The following NUDCD3 variants were observed in gnomAD, a reference collection of about 807,000 sequenced individuals.
The protein encoded by NUDCD3 is NudC domain containing 3, also known as nudC domain-containing protein 3.
Under a neutral mutation model 39.7 loss-of-function variants are expected in NUDCD3, and 13 were observed. The ratio of observed to expected loss-of-function variants is 0.33; its 90% CI spans 0.21 to 0.52. NUDCD3 has a LOEUF of 0.52. Ranked by LOEUF, NUDCD3 falls within the 20% of genes least tolerant of loss-of-function variation. NUDCD3 has a pLI of 0.96. For missense variants in NUDCD3, 453 were observed against 458.1 expected, an observed-to-expected ratio of 0.99 and a Z score of 0.10; for synonymous variants, 175 against 172.4, an observed-to-expected ratio of 1.02 and a Z score of -0.12.
chr7:44,471,431 G>A (rs1213670833), intron 2 of NUDCD3, among the ~76,000 whole-genome samples: 1 of 152,190 alleles, frequency 6.6e-6, no homozygotes, highest in Non-Finnish European at 1.5e-5. Context: ...GAAGGATACA[G>A]AGGGCCAACT....
chr7:44,468,324 T>G (rs369782211), intron 2 of NUDCD3: 18 of 1,482,998 alleles, frequency 1.2e-5, no homozygotes, highest in Non-Finnish European at 1.6e-5. Flanking sequence ...GTGCACGTTT[T>G]CTGTTTAAAT....
At chr7:44,430,916 A>G (rs1476230907) in intron 2 of NUDCD3, among the ~76,000 whole-genome samples, 1 of 152,090 alleles carries the variant, frequency 6.6e-6, no homozygotes, top group Non-Finnish European at 1.5e-5. Context: ...CTCTGATCAC[A>G]CAGAACCTGC....
intron 5 of NUDCD3, among the ~76,000 whole-genome samples, chr7:44,389,289 G>A (rs755288610): frequency 1.3e-5 from 2 of 152,232 alleles, no homozygotes; most frequent in Non-Finnish European, 2.9e-5. Flanking sequence ...AGGGGTTTGA[G>A]GTCCAGAACT....
At chr7:44,420,757 T>G (rs1298794453) in intron 3 of NUDCD3, among the ~76,000 whole-genome samples, 2 of 152,186 alleles carry the variant, frequency 1.3e-5, no homozygotes, top group Admixed American at 6.5e-5. Context: ...CTAAGCTTCA[T>G]AAGTGAAGGT....
chr7:44,442,949 A>AC (rs1390733108), intron 2 of NUDCD3, among the ~76,000 whole-genome samples: 1 of 151,950 alleles, frequency 6.6e-6, no homozygotes, highest in East Asian at 1.9e-4. Context: ...TGATCCACCC[A>AC]CCTTGGCCTC....
At chr7:44,424,706 C>A (rs1456281313) in intron 3 of NUDCD3, among the ~76,000 whole-genome samples, 2 of 152,102 alleles carry the variant, frequency 1.3e-5, no homozygotes, top group South Asian at 2.1e-4. Flanking sequence ...TAAATTAGTT[C>A]AACCATTGTG....
chr7:44,417,697 A>G (rs1799054584), intron 3 of NUDCD3, among the ~76,000 whole-genome samples: 1 of 152,228 alleles, frequency 6.6e-6, no homozygotes. Context: ...AAACCCCAAA[A>G]TTCTGGATAA....
chr7:44,423,652 C>T (rs1799182263), intron 3 of NUDCD3, among the ~76,000 whole-genome samples: 1 of 151,984 alleles, frequency 6.6e-6, no homozygotes, highest in Non-Finnish European at 1.5e-5. Context: ...AGGACACAAA[C>T]AAATGGAAAA....
chr7:44,389,450 GGGC>G (rs1453061851), intron 5 of NUDCD3, among the ~76,000 whole-genome samples: 3 of 152,100 alleles, frequency 2.0e-5, no homozygotes, highest in Non-Finnish European at 4.4e-5. Context: ...AGGCCGAGGC[GGGC>G]GGATCACGAG....
In NUDCD3 at chr7:44,404,427, T is replaced by C. The variant is rs756039304; in HGVS notation, c.786+13A>G. On this transcript the variant is annotated intron_variant, in intron 4 of 5. Transcript: ENST00000355451. ...TCCACCTGGGAGCCCTACACACAGG[T>C]GCCCAAACTTACCAAAACGCACTTC... 6.2e-7 allele frequency: 1 copy of C among 1,613,434 alleles called. No homozygotes were observed. Among genetic ancestry groups the C allele is most frequent in the South Asian group, 1.1e-5 (1 of 90,992 alleles).
At chr7:44,479,235 T>C (rs1800439969) in intron 2 of NUDCD3, among the ~76,000 whole-genome samples, 1 of 152,220 alleles carries the variant, frequency 6.6e-6, no homozygotes, top group Admixed American at 6.5e-5. Flanking sequence ...CAAACCATAC[T>C]GGTCATCTAT....
In NUDCD3 at chr7:44,416,130, G is replaced by A. The variant is rs191063786; in HGVS notation, c.642+11441C>T. 9.9e-5 allele frequency among the ~76,000 whole-genome samples: 15 copies of A among 152,092 alleles called. No individual in the cohort carries two copies. The East Asian group carries it at 2.9e-3, about 29-fold the overall frequency. On this transcript the variant is annotated intron_variant, in intron 3 of 5. Coordinates refer to ENST00000355451, the MANE Select transcript of NUDCD3 (RefSeq NM_015332.4). The stretch of plus-strand genomic sequence containing the variant: ...ATAGGGTCTTACTCTGTTGCCCAAG[G>A]TGGAGTGCAGTGGCACAATCACAGT...
chr7:44,424,447 G>GA (rs544742123), intron 3 of NUDCD3, among the ~76,000 whole-genome samples: 15 of 148,014 alleles, frequency 1.0e-4, no homozygotes, highest in South Asian at 2.1e-4. Flanking sequence ...AAATTTACAA[G>GA]AAAAAAAAAA....
intron 4 of NUDCD3, among the ~76,000 whole-genome samples, chr7:44,395,340 G>A (rs1274207242): frequency 6.6e-6 from 1 of 152,222 alleles, no homozygotes; most frequent in Non-Finnish European, 1.5e-5. Context: ...ATGTGCATCA[G>A]TGTGGTATTT....
At chr7:44,414,826 G>A (rs1798991807) in intron 3 of NUDCD3, among the ~76,000 whole-genome samples, 1 of 152,154 alleles carries the variant, frequency 6.6e-6, no homozygotes, top group South Asian at 2.1e-4. Context: ...ACAAATTCCA[G>A]CACTTACATC....
rs372076748 is a variant in NUDCD3 at position 44,482,885 on chromosome 7, T to C, written c.509+2083A>G. ...ATTTAAAGGAAAACCAAGGTAGAAA[T>C]TGAAGCCATAAAAAACAATCAAGGG... On this transcript the variant is annotated intron_variant, in intron 2 of 5. Coordinates refer to ENST00000355451, the MANE Select transcript of NUDCD3 (RefSeq NM_015332.4). 1.2e-4 allele frequency among the ~76,000 whole-genome samples: 18 copies of C among 151,984 alleles called. No individual in the cohort carries two copies. The East Asian group carries it at 3.3e-3, about 28-fold the overall frequency.
chr7:44,435,338 T>TG (rs1337778687), intron 2 of NUDCD3, among the ~76,000 whole-genome samples: 1 of 151,944 alleles, frequency 6.6e-6, no homozygotes, highest in Non-Finnish European at 1.5e-5. Context: ...TCCTTACAAG[T>TG]GGGGAACTGT....
At chr7:44,448,608 G>T (rs1375255572) in intron 2 of NUDCD3, among the ~76,000 whole-genome samples, 1 of 152,126 alleles carries the variant, frequency 6.6e-6, no homozygotes, top group Non-Finnish European at 1.5e-5. Context: ...TGTGGGAACT[G>T]TCTCCAAAGA....
chr7:44,452,729 G>A (rs10273049), intron 2 of NUDCD3, among the ~76,000 whole-genome samples: 3 of 152,258 alleles, frequency 2.0e-5, no homozygotes, highest in South Asian at 2.1e-4. Context: ...AAAGGCCATC[G>A]GAGTGAGGGA....
Sources: allele counts gnomAD v4.1 joint callset (sites outside exome capture counted in the v4.1 genomes callset), GRCh38; gene constraint gnomAD v4.1.1; transcripts MANE v1.5; gene names NCBI Gene and HGNC (gene_info 2026-07-23, HGNC 2026-07-21).